CAMK2D: variants seen among roughly 807,000 people sequenced by gnomAD.
The protein encoded by CAMK2D is calcium/calmodulin dependent protein kinase II delta, also known as calcium/calmodulin-dependent protein kinase type II subunit delta.
A neutral mutation model predicts 84.0 loss-of-function variants in CAMK2D; 37 were observed. The observed-to-expected ratio is 0.44, with a 90% CI of 0.34 to 0.58. The LOEUF (loss-of-function observed/expected upper bound fraction) is 0.58, where lower values mean the gene tolerates loss of function less well. CAMK2D is among the 20% of genes least tolerant of loss of function. CAMK2D has a pLI of 0.02. For synonymous variants in CAMK2D, 202 were observed against 212.5 expected (o/e 0.95, Z 0.43); for missense variants, 448 against 652.5 (o/e 0.69, Z 3.41).
intron 1 of CAMK2D, among the ~76,000 whole-genome samples, chr4:113,759,921 G>A (rs2149176292): frequency 6.6e-6 from 1 of 152,190 alleles, no homozygotes; most frequent in African/African-American, 2.4e-5. Flanking sequence ...CCTTGTTTTG[G>A]ACTGGGGGAG....
intron 4 of CAMK2D, among the ~76,000 whole-genome samples, chr4:113,576,204 G>C (rs1019662174): frequency 6.6e-6 from 1 of 151,924 alleles, no homozygotes; most frequent in African/African-American, 2.4e-5. Flanking sequence ...CCTGGCCCCT[G>C]AAAATATTTT....
chr4:113,736,044 G>C (rs1332947068), intron 2 of CAMK2D, among the ~76,000 whole-genome samples: 1 of 149,836 alleles, frequency 6.7e-6, no homozygotes, highest in East Asian at 2.0e-4. Flanking sequence ...TCTTTACAAA[G>C]AAGTATGTAA....
intron 4 of CAMK2D, among the ~76,000 whole-genome samples, chr4:113,581,060 C>T (rs558020698): frequency 6.6e-6 from 1 of 150,982 alleles, no homozygotes; most frequent in South Asian, 2.1e-4. Flanking sequence ...CACATGTGCC[C>T]CAGCACTAAA....
intron 2 of CAMK2D, among the ~76,000 whole-genome samples, chr4:113,743,284 T>A (rs771349505): frequency 6.6e-6 from 1 of 152,132 alleles, no homozygotes; most frequent in Non-Finnish European, 1.5e-5. Context: ...TTAAGAAAAA[T>A]TAATGTAAAC....
chr4:113,558,397 A>C (rs976299080), intron 4 of CAMK2D, among the ~76,000 whole-genome samples: 1 of 152,138 alleles, frequency 6.6e-6, no homozygotes, highest in African/African-American at 2.4e-5. Flanking sequence ...TATTTTTAGT[A>C]ATTTGCTATC....
At chr4:113,546,538 T>G (rs1348650347) in intron 6 of CAMK2D, among the ~76,000 whole-genome samples, 1 of 152,246 alleles carries the variant, frequency 6.6e-6, no homozygotes, top group African/African-American at 2.4e-5. Flanking sequence ...GGTTTAGAGA[T>G]ATAGTCTTCT....
intron 16 of CAMK2D, among the ~76,000 whole-genome samples, chr4:113,470,006 CCTCT>C (rs141407001): frequency 2.0e-5 from 3 of 151,602 alleles, no homozygotes; most frequent in Non-Finnish European, 2.9e-5. Context: ...AATGCAACCA[CCTCT>C]CTCTCTCTCT....
At chr4:113,569,951 AC>A (rs1210431375) in intron 4 of CAMK2D, among the ~76,000 whole-genome samples, 1 of 152,180 alleles carries the variant, frequency 6.6e-6, no homozygotes, top group Non-Finnish European at 1.5e-5. Flanking sequence ...GTTGCAGGAT[AC>A]AAAATCAGCA....
chr4:113,544,782 T>C (rs1467011884), intron 6 of CAMK2D, among the ~76,000 whole-genome samples: 1 of 152,086 alleles, frequency 6.6e-6, no homozygotes, highest in Non-Finnish European at 1.5e-5. Flanking sequence ...TAGATCTACA[T>C]TAATTGGCCT....
chr4:113,549,865 A>G (rs2098610937), intron 5 of CAMK2D, among the ~76,000 whole-genome samples: 1 of 152,214 alleles, frequency 6.6e-6, no homozygotes, highest in African/African-American at 2.4e-5. Flanking sequence ...TAGCTCTTTT[A>G]TTAACAATAC....
intron 2 of CAMK2D, among the ~76,000 whole-genome samples, chr4:113,662,621 A>T (rs146535667): frequency 6.6e-6 from 1 of 152,154 alleles, no homozygotes; most frequent in East Asian, 1.9e-4. Flanking sequence ...TATTGGCAAT[A>T]TTATCCCTAT....
At chr4:113,503,900 C>T (rs2098090815) in intron 14 of CAMK2D, among the ~76,000 whole-genome samples, 1 of 152,104 alleles carries the variant, frequency 6.6e-6, no homozygotes, top group African/African-American at 2.4e-5. Flanking sequence ...GTACTGCAAC[C>T]CACTGGGAGT....
intron 3 of CAMK2D, among the ~76,000 whole-genome samples, chr4:113,656,511 G>T (rs749819765): frequency 6.6e-6 from 1 of 152,140 alleles, no homozygotes; most frequent in African/African-American, 2.4e-5. Context: ...AGCAGACACA[G>T]CAAAGCAGAT....
chr4:113,670,304 C>T (rs78714609), intron 2 of CAMK2D, among the ~76,000 whole-genome samples: 13 of 151,298 alleles, frequency 8.6e-5, no homozygotes, highest in South Asian at 4.2e-4. Context: ...AATAAACAAA[C>T]AAATAAATAA....
Position 113,513,313 on chromosome 4 carries a change from T to C in CAMK2D, c.946+15A>G. The C allele has an allele frequency of 1.2e-6, 2 of 1,612,754 alleles. No individual in the cohort carries two copies. The highest frequency in any genetic ancestry group is 8.5e-7 in the Non-Finnish European group (1 of 1,178,876). ...AAGACCAAGGGATAAGAAGCAGAGT[T>C]CCCAATGCATGTACCTGAGAAATTC... On this transcript the variant is annotated intron_variant, in intron 12 of 20. Transcript: ENST00000511664.
intron 7 of CAMK2D, among the ~76,000 whole-genome samples, chr4:113,534,295 T>A (rs1021898155): frequency 6.6e-6 from 1 of 151,960 alleles, no homozygotes; most frequent in African/African-American, 2.4e-5. Flanking sequence ...CATCTCCTTT[T>A]TTCTCAGATT....
rs934858416 is a variant in CAMK2D at position 113,760,988 on chromosome 4, G to T, written c.65+16C>A. ...GCTGGAAAGGGGATATGCGGATGCC[G>T]GGCAAAGGTGCTTACTTTCCAAGCT... is the stretch of plus-strand genomic sequence containing the variant. On this transcript the variant is annotated intron_variant, in intron 1 of 20. Transcript: ENST00000511664. 1.9e-6 allele frequency: 3 copies of T among 1,614,120 alleles called. No homozygotes were observed. The East Asian group carries it at 6.7e-5, about 36-fold the overall frequency.
At chr4:113,455,934 G>A (rs1186454747) in intron 19 of CAMK2D, 113 bp from the exon 20 acceptor site, 42 of 620,800 alleles carry the variant, frequency 6.8e-5, no homozygotes, top group Admixed American at 7.8e-5. Context: ...CCCTGGTACT[G>A]TATGAATGTA....
intron 3 of CAMK2D, among the ~76,000 whole-genome samples, chr4:113,610,759 G>A (rs534846538): frequency 1.3e-4 from 20 of 151,184 alleles, no homozygotes; most frequent in East Asian, 3.9e-4. Flanking sequence ...TGCAGTCCCC[G>A]CTGCCCTGCC....
Sources: gnomAD v4.1 joint callset for allele counts (sites outside exome capture counted in the v4.1 genomes callset) on GRCh38, gnomAD v4.1.1 for gene constraint, MANE v1.5 for transcripts, NCBI Gene and HGNC (gene_info 2026-07-23, HGNC 2026-07-21) for gene names.